The following HBS1L variants were observed in gnomAD, a reference collection of about 807,000 sequenced individuals.
HBS1L encodes the protein HBS1-like protein.
A neutral mutation model predicts 88.9 loss-of-function variants in HBS1L; 55 were observed. The ratio of observed to expected loss-of-function variants is 0.62; its 90% confidence interval spans 0.50 to 0.77. The LOEUF (loss-of-function observed/expected upper bound fraction) is 0.77, where lower values mean the gene tolerates loss of function less well. HBS1L is among the 30% of genes least tolerant of loss of function. The pLI is 0.00. For missense variants in HBS1L, 741 were observed against 829.3 expected, an observed-to-expected ratio of 0.89 and a Z score of 1.31; for synonymous variants, 267 against 288.5, an observed-to-expected ratio of 0.93 and a Z score of 0.76.
rs1353681348 is a variant in HBS1L at position 134,963,698 on chromosome 6, A to G, written c.*1581T>C. On this transcript the variant is annotated 3_prime_UTR_variant, in exon 18 of 18. Coordinates refer to ENST00000367837, the MANE Select transcript of HBS1L (RefSeq NM_006620.4). ...CAGCCTCCCAAAGTGTTTTGATTAC[A>G]GGTGTGAGCCACCGCGCCCGGCCGA... 1 of 152,350 alleles carries G rather than the reference A, an allele frequency of 6.6e-6. No individual in the cohort carries two copies. Among genetic ancestry groups the G allele is most frequent in the East Asian group, 1.9e-4 (1 of 5,204 alleles). 9.4% of individuals were successfully genotyped at this position (152,350 alleles called of 1,614,324 possible).
intron 4 of HBS1L, among the ~76,000 whole-genome samples, chr6:135,023,597 CTCA>C (rs911380945): frequency 5.3e-5 from 8 of 151,926 alleles, no homozygotes; most frequent in African/African-American, 1.7e-4. Context: ...AGAATATAAC[CTCA>C]TCATATAAAA....
chr6:135,031,475 A>C (rs1776382683), intron 4 of HBS1L, among the ~76,000 whole-genome samples: 1 of 152,118 alleles, frequency 6.6e-6, no homozygotes, highest in Non-Finnish European at 1.5e-5. Flanking sequence ...TGGGAATAAC[A>C]GGAATGGTAA....
chr6:134,993,127 T>C (rs7761964), intron 8 of HBS1L, among the ~76,000 whole-genome samples: 47,760 of 152,084 alleles, frequency 0.31, 7,898 homozygotes, highest in Non-Finnish European at 0.37. Context: ...AGCCTAGGTG[T>C]ATAAAAGATG....
chr6:135,027,394 A>G (rs1300339505), intron 4 of HBS1L, among the ~76,000 whole-genome samples: 1 of 152,102 alleles, frequency 6.6e-6, no homozygotes, highest in Admixed American at 6.5e-5. Context: ...CATAACAAAA[A>G]TAACAAAACT....
rs752807447 is a variant in HBS1L at position 134,986,231 on chromosome 6, C to T, written c.1306-48G>A. On this transcript the variant is annotated intron_variant, in intron 10 of 17. Transcript: ENST00000367837. The stretch of plus-strand genomic sequence containing the variant: ...AAACTTAATACAACATTTTTTAAAA[C>T]ATTAAAAGATTCACCATTACCATAA... 4 of 950,272 alleles carry T rather than the reference C, an allele frequency of 4.2e-6. 1 individual carries two copies. In the South Asian group the frequency reaches 5.5e-5, roughly 13 times the overall value. 58.9% of individuals were successfully genotyped at this position (950,272 alleles called of 1,614,324 possible). A position where few individuals can be genotyped will look rare whatever the true frequency, so the allele number is the denominator to read the frequency against.
intron 2 of HBS1L, among the ~76,000 whole-genome samples, chr6:135,050,343 T>C (rs544854577): frequency 6.6e-6 from 1 of 152,320 alleles, no homozygotes; most frequent in Non-Finnish European, 1.5e-5. Context: ...TGATGCAAAG[T>C]ATGGTGGAAA....
intron 4 of HBS1L, among the ~76,000 whole-genome samples, chr6:135,017,828 G>T (rs1240684429): frequency 6.6e-6 from 1 of 151,860 alleles, no homozygotes; most frequent in East Asian, 1.9e-4. Flanking sequence ...TGATCTGAAA[G>T]ATTTCAAAAT....
At chr6:135,035,789 A>AAGCAGCAGCAGC (rs796480300) in intron 4 of HBS1L, 1 of 114,494 alleles carries the variant, frequency 8.7e-6, no homozygotes, top group African/African-American at 3.6e-5. Context: ...AAAAAAAAAA[A>AAGCAGCAGCAGC]AGCAGCAGCA....
intron 4 of HBS1L, chr6:135,037,846 A>G (rs1229555384): frequency 5.2e-6 from 8 of 1,545,984 alleles, no homozygotes; most frequent in South Asian, 3.6e-5. Context: ...ACGTGTGTCA[A>G]GTTTCTTTTT....
Position 134,997,022 on chromosome 6 carries a change from A to C in HBS1L, c.800-80T>G. The C allele has an allele frequency of 5.9e-6, 6 of 1,025,206 alleles. No homozygotes were observed. In the South Asian group the frequency reaches 7.0e-5, roughly 12 times the overall value. The allele number at this position is 1,025,206 out of a possible 1,614,324, so 63.5% of individuals were successfully genotyped here. On this transcript the variant is annotated intron_variant, in intron 6 of 17. Coordinates refer to ENST00000367837, the MANE Select transcript of HBS1L (RefSeq NM_006620.4). ...GAGGCATTGCATAAATGTGTAATTC[A>C]ATATTTCATGTCAGTGGTTTACAGT...
At chr6:134,969,159 G>T in intron 16 of HBS1L, 79 bp downstream of exon 16, 1 of 916,448 alleles carries the variant, frequency 1.1e-6, no homozygotes, top group East Asian at 2.5e-5. Context: ...ACCACAAAGA[G>T]AAATACTACA....
chr6:135,028,057 C>T (rs573853434), intron 4 of HBS1L, among the ~76,000 whole-genome samples: 26 of 152,076 alleles, frequency 1.7e-4, no homozygotes, highest in Admixed American at 1.3e-3. Context: ...TGAGCCACCG[C>T]GCCTGGCCAT....
intron 4 of HBS1L, among the ~76,000 whole-genome samples, chr6:135,016,595 A>G (rs6908681): frequency 0.47 from 71,972 of 151,970 alleles, 17,286 homozygotes; most frequent in South Asian, 0.56. Context: ...ATAATCTCAA[A>G]TTGCTAAAAA....
intron 4 of HBS1L, among the ~76,000 whole-genome samples, chr6:135,003,818 T>C (rs1775533254): frequency 6.6e-6 from 1 of 151,910 alleles, no homozygotes; most frequent in Non-Finnish European, 1.5e-5. Context: ...TGAACCAATA[T>C]TGCACCACTG....
At chr6:134,998,264 C>A (rs932625032) in intron 5 of HBS1L, among the ~76,000 whole-genome samples, 1 of 152,142 alleles carries the variant, frequency 6.6e-6, no homozygotes, top group Non-Finnish European at 1.5e-5. Context: ...AAGTTAACTA[C>A]CACTCTTAAA....
rs193249168 is a variant in HBS1L at position 135,024,736 on chromosome 6, T to C, written c.430+14837A>G. ...GCTGTTAACAAAATGAACTAAAATG[T>C]TGTCTAAATTAAGATATGTTAACAT... On this transcript the variant is annotated intron_variant, in intron 4 of 17. Coordinates refer to ENST00000367837, the MANE Select transcript of HBS1L (RefSeq NM_006620.4). Among the ~76,000 whole-genome samples, 306 of 152,036 alleles carry C rather than the reference T, an allele frequency of 2.0e-3. 1 individual carries two copies. Among genetic ancestry groups the C allele is most frequent in the African/African-American group, 7.3e-3 (302 of 41,438 alleles).
intron 2 of HBS1L, among the ~76,000 whole-genome samples, chr6:135,046,416 T>C (rs1776913727): frequency 6.6e-6 from 1 of 151,988 alleles, no homozygotes; most frequent in Non-Finnish European, 1.5e-5. Flanking sequence ...CAAACAAAGA[T>C]TACTTCTAAT....
At chr6:135,001,843 A>C (rs951083079) in intron 5 of HBS1L, among the ~76,000 whole-genome samples, 4 of 151,932 alleles carry the variant, frequency 2.6e-5, no homozygotes, top group African/African-American at 9.7e-5. Flanking sequence ...ACCAAAACTC[A>C]TAATACCTCA....
intron 4 of HBS1L, among the ~76,000 whole-genome samples, chr6:135,023,631 A>C (rs554210661): frequency 4.6e-5 from 7 of 152,340 alleles, no homozygotes; most frequent in Non-Finnish European, 1.0e-4. Flanking sequence ...CTTTCTAAAT[A>C]AAAGCTTTAT....
Sources: allele counts gnomAD v4.1 joint callset (sites outside exome capture counted in the v4.1 genomes callset), GRCh38; gene constraint gnomAD v4.1.1; transcripts MANE v1.5; gene names NCBI Gene and HGNC (gene_info 2026-07-23, HGNC 2026-07-21).